LPP: variants seen among roughly 807,000 people sequenced by gnomAD.
LPP encodes LIM domain containing preferred translocation partner in lipoma.
Under a neutral mutation model 60.4 loss-of-function variants are expected in LPP, and 38 were observed. The ratio of observed to expected loss-of-function variants is 0.63; its 90% confidence interval spans 0.49 to 0.83. The LOEUF (loss-of-function observed/expected upper bound fraction) is 0.83, where lower values mean the gene tolerates loss of function less well. Ranked by LOEUF, LPP falls within the 40% of genes least tolerant of loss-of-function variation. The pLI is 0.00. For missense variants in LPP, 902 were observed against 783.6 expected (o/e 1.15, Z -1.80); for synonymous variants, 328 against 290.8 (o/e 1.13, Z -1.30).
At chr3:188,754,137 G>T (rs543509640) in intron 8 of LPP, among the ~76,000 whole-genome samples, 1 of 152,236 alleles carries the variant, frequency 6.6e-6, no homozygotes, top group Non-Finnish European at 1.5e-5. Flanking sequence ...ATTCTATATT[G>T]TCTAAGGCTA....
intron 1 of LPP, among the ~76,000 whole-genome samples, chr3:188,172,665 C>T (rs1721920971): frequency 6.6e-6 from 1 of 152,172 alleles, no homozygotes; most frequent in African/African-American, 2.4e-5. Flanking sequence ...TACTCACCCA[C>T]TTGTCCTCAT....
intron 4 of LPP, among the ~76,000 whole-genome samples, chr3:188,462,587 C>T (rs970744516): frequency 0.014 from 614 of 42,656 alleles, no homozygotes; most frequent in Middle Eastern, 0.025. Context: ...TATATATATG[C>T]ATGTGTGTGT....
chr3:188,841,978 G>A (rs1224946544), intron 9 of LPP, among the ~76,000 whole-genome samples: 1 of 152,030 alleles, frequency 6.6e-6, no homozygotes, highest in East Asian at 1.9e-4. Context: ...TAGACAATCG[G>A]GTCATCTGCA....
intron 9 of LPP, among the ~76,000 whole-genome samples, chr3:188,773,923 A>G (rs954457652): frequency 5.9e-5 from 9 of 152,210 alleles, no homozygotes; most frequent in African/African-American, 2.2e-4. Context: ...CCAATGTGTC[A>G]TTCGGTAGAT....
At chr3:188,617,595 T>G (rs1480190730) in intron 7 of LPP, among the ~76,000 whole-genome samples, 1 of 152,188 alleles carries the variant, frequency 6.6e-6, no homozygotes, top group Non-Finnish European at 1.5e-5. Context: ...ACTCAGTCCA[T>G]AATCTCTCTA....
chr3:188,179,372 GTTCATTTCCCGCC>G, intron 1 of LPP: 1 of 458,070 alleles, frequency 2.2e-6, no homozygotes, highest in Non-Finnish European at 4.4e-6. Context: ...CAGCTCTCCA[GTTCATTTCCCGCC>G]TTGTTCCCAT....
At chr3:188,758,872 G>A (rs1228225554) in intron 8 of LPP, 2 of 152,160 alleles carry the variant, frequency 1.3e-5, no homozygotes, top group Admixed American at 6.5e-5. Context: ...CTGTGAAATA[G>A]GCATAATAAC....
At chr3:188,203,526 AATAT>A (rs1184377672) in intron 1 of LPP, among the ~76,000 whole-genome samples, 1 of 32,462 alleles carries the variant, frequency 3.1e-5, no homozygotes, top group Non-Finnish European at 7.1e-5. Context: ...AATATATATA[AATAT>A]ATATTTAAAT....
intron 2 of LPP, among the ~76,000 whole-genome samples, chr3:188,289,174 TCAAA>T (rs1246712438): frequency 6.6e-6 from 1 of 152,102 alleles, no homozygotes; most frequent in East Asian, 1.9e-4. Context: ...CTCAGTAAAT[TCAAA>T]CAAAGATCAT....
At chr3:188,268,189 G>A (rs745856373) in intron 2 of LPP, among the ~76,000 whole-genome samples, 2 of 151,924 alleles carry the variant, frequency 1.3e-5, no homozygotes, top group Non-Finnish European at 2.9e-5. Flanking sequence ...TTTTCACATT[G>A]CAAGGCAATT....
In LPP at chr3:188,866,138, C is replaced by T. The variant is rs1419788841; in HGVS notation, c.1411-62C>T. Reference sequence around the variant, plus strand: ...GAGACAATCTGTTTTGTAAAGATGCCTGTCATGCAGTATGGACCCCCTTCT... The same window carrying T: ...GAGACAATCTGTTTTGTAAAGATGCTTGTCATGCAGTATGGACCCCCTTCT... On this transcript the variant is annotated intron_variant, in intron 9 of 11. Coordinates refer to ENST00000617246, the MANE Select transcript of LPP (RefSeq NM_001375462.1). 4.6e-6 allele frequency: 6 copies of T among 1,300,380 alleles called. No individual in the cohort carries two copies. In the East Asian group the frequency reaches 1.7e-4, roughly 36 times the overall value. 80.6% of individuals were successfully genotyped at this position (1,300,380 alleles called of 1,614,324 possible).
At chr3:188,786,109 G>A (rs575632879) in intron 9 of LPP, among the ~76,000 whole-genome samples, 1 of 152,208 alleles carries the variant, frequency 6.6e-6, no homozygotes, top group South Asian at 2.1e-4. Flanking sequence ...GCTGGGCCCG[G>A]TGGCTCATGC....
intron 4 of LPP, among the ~76,000 whole-genome samples, chr3:188,467,980 C>T (rs1194137548): frequency 6.6e-6 from 1 of 152,164 alleles, no homozygotes; most frequent in African/African-American, 2.4e-5. Context: ...AAAACGAATA[C>T]ACACAATATC....
rs1013228432 is a variant in LPP, at chr3:188,885,620, G to A, written c.*11141G>A. On this transcript the variant is annotated 3_prime_UTR_variant, in exon 12 of 12. Coordinates refer to ENST00000617246, the MANE Select transcript of LPP (RefSeq NM_001375462.1). ...ACATAAGTGTGCATGTGTCTTTATA[G>A]CAGCATGATTTATAATCCTTTGGGT... 15 of 157,506 alleles carry A rather than the reference G, an allele frequency of 9.5e-5. No homozygotes were observed. Among genetic ancestry groups the A allele is most frequent in the Non-Finnish European group, 2.0e-4 (14 of 71,068 alleles). The allele number at this position is 157,506 out of a possible 1,614,324, so 9.8% of individuals were successfully genotyped here. A position where few individuals can be genotyped will look rare whatever the true frequency, so the allele number is the denominator to read the frequency against.
At chr3:188,443,006 GAC>G (rs1175415962) in intron 4 of LPP, among the ~76,000 whole-genome samples, 3 of 152,184 alleles carry the variant, frequency 2.0e-5, no homozygotes, top group Non-Finnish European at 2.9e-5. Flanking sequence ...AGCATTCTGA[GAC>G]ACACAAATTT....
At chr3:188,754,121 T>G (rs1357965252) in intron 8 of LPP, among the ~76,000 whole-genome samples, 1 of 152,198 alleles carries the variant, frequency 6.6e-6, no homozygotes, top group Admixed American at 6.5e-5. Context: ...TTGACATTCT[T>G]TGTGGATTCT....
At chr3:188,581,326 G>A (rs774379319) in intron 6 of LPP, among the ~76,000 whole-genome samples, 1 of 152,074 alleles carries the variant, frequency 6.6e-6, no homozygotes, top group Non-Finnish European at 1.5e-5. Context: ...ATTTTACCTC[G>A]GGCACACTTG....
At chr3:188,687,724 C>G (rs1369294835) in intron 7 of LPP, among the ~76,000 whole-genome samples, 1 of 151,408 alleles carries the variant, frequency 6.6e-6, no homozygotes, top group Non-Finnish European at 1.5e-5. Flanking sequence ...ATTTCTTGAC[C>G]AAAGCTCTGA....
At chr3:188,706,587 G>A (rs557259023) in intron 7 of LPP, among the ~76,000 whole-genome samples, 41 of 152,260 alleles carry the variant, frequency 2.7e-4, no homozygotes, top group African/African-American at 9.1e-4. Flanking sequence ...GACATTTAAC[G>A]CTTTAGACAT....
Sources: gnomAD v4.1 joint callset for allele counts (sites outside exome capture counted in the v4.1 genomes callset) on GRCh38, gnomAD v4.1.1 for gene constraint, MANE v1.5 for transcripts, NCBI Gene and HGNC (gene_info 2026-07-23, HGNC 2026-07-21) for gene names.